HUNK: variants seen among roughly 807,000 people sequenced by gnomAD.
HUNK encodes the protein hormonally up-regulated neu tumor-associated kinase.
In HUNK, 21 loss-of-function variants were observed where a neutral mutation model predicts 61.0. The observed-to-expected ratio is 0.34, with a 90% CI of 0.24 to 0.50. The LOEUF (loss-of-function observed/expected upper bound fraction) is 0.50, where lower values mean the gene tolerates loss of function less well. Among genes scored for constraint, HUNK ranks in the 20% least tolerant of loss-of-function variants. The probability of loss-of-function intolerance (pLI) is 0.98; values close to 1 mark genes in which losing one functional copy is unlikely to be tolerated. For missense variants in HUNK, 772 were observed against 945.7 expected (o/e 0.82, Z 2.41); for synonymous variants, 371 against 386.1 (o/e 0.96, Z 0.46).
At chr21:31,994,511 G>A (rs906110596) in intron 9 of HUNK, among the ~76,000 whole-genome samples, 3 of 152,166 alleles carry the variant, frequency 2.0e-5, no homozygotes, top group Non-Finnish European at 4.4e-5. Context: ...TTAAAGTTGA[G>A]GGCAAAAATG....
intron 9 of HUNK, among the ~76,000 whole-genome samples, chr21:31,991,478 CA>C (rs2053171630): frequency 6.6e-6 from 1 of 152,214 alleles, no homozygotes; most frequent in African/African-American, 2.4e-5. Context: ...CTCGGCCTCC[CA>C]AAGTGCTGGG....
Position 31,974,533 on chromosome 21 carries a change from CCT to C in HUNK, c.1011-13_1011-12del. The C allele has an allele frequency of 4.4e-6, 7 of 1,603,344 alleles. No individual in the cohort carries two copies. The highest frequency in any genetic ancestry group is 1.1e-5 in the South Asian group (1 of 89,112). Reference sequence around the variant, plus strand: ...TCCGTGAAGTGCAGGGGTGACTGGTCCTCTCTCTCTGCACCTCGCAGGATTTC... The same window carrying C: ...TCCGTGAAGTGCAGGGGTGACTGGTCCTCTCTCTGCACCTCGCAGGATTTC... On this transcript the variant is annotated intron_variant, in intron 6 of 10. Coordinates refer to ENST00000270112, the MANE Select transcript of HUNK (RefSeq NM_014586.2).
chr21:31,955,102 A>C (rs2052879357), intron 4 of HUNK, among the ~76,000 whole-genome samples: 1 of 152,054 alleles, frequency 6.6e-6, no homozygotes, highest in African/African-American at 2.4e-5. Flanking sequence ...TGCATTTTCA[A>C]CAAGTTCTCA....
intron 7 of HUNK, among the ~76,000 whole-genome samples, chr21:31,982,174 T>C (rs1601409369): frequency 6.6e-6 from 1 of 152,204 alleles, no homozygotes; most frequent in African/African-American, 2.4e-5. Context: ...TCTATGGGGA[T>C]TAATTCACTC....
chr21:31,902,608 A>C (rs937193600), intron 1 of HUNK, among the ~76,000 whole-genome samples: 6 of 152,176 alleles, frequency 3.9e-5, no homozygotes, highest in African/African-American at 1.4e-4. Flanking sequence ...TTATTCAATG[A>C]AACTAGTCCC....
intron 4 of HUNK, among the ~76,000 whole-genome samples, chr21:31,954,270 G>A (rs2052872711): frequency 6.6e-6 from 1 of 152,174 alleles, no homozygotes; most frequent in South Asian, 2.1e-4. Context: ...AAGATTAAAG[G>A]GAATATAAAA....
intron 5 of HUNK, 148 bp downstream of exon 5, chr21:31,959,118 A>G (rs2052910256): frequency 8.6e-6 from 7 of 815,874 alleles, no homozygotes; most frequent in African/African-American, 1.7e-5. Flanking sequence ...TAGAAGTGTC[A>G]AGGGGTGGTT....
At chr21:31,916,043 CTTTT>C (rs34245381) in intron 1 of HUNK, among the ~76,000 whole-genome samples, 1 of 81,772 alleles carries the variant, frequency 1.2e-5, no homozygotes, top group Admixed American at 2.0e-4. Context: ...TAAGTGCTTT[CTTTT>C]TTTTTTTTTT....
chr21:31,967,398 C>T (rs531082616), intron 5 of HUNK, among the ~76,000 whole-genome samples: 4 of 152,100 alleles, frequency 2.6e-5, no homozygotes, highest in East Asian at 3.9e-4. Context: ...TAAAAGGCTT[C>T]GTGTGCATTA....
intron 10 of HUNK, among the ~76,000 whole-genome samples, chr21:31,997,245 T>A (rs1475270588): frequency 6.6e-6 from 1 of 152,232 alleles, no homozygotes; most frequent in Non-Finnish European, 1.5e-5. Flanking sequence ...TCCCCTTTCT[T>A]TTCTGGCCCA....
chr21:31,942,985 T>C (rs1404801012), intron 3 of HUNK, among the ~76,000 whole-genome samples: 2 of 152,202 alleles, frequency 1.3e-5, no homozygotes, highest in African/African-American at 4.8e-5. Context: ...TTGTGAGGTT[T>C]CTTGCCCCTG....
chr21:31,943,399 G>A (rs1013078983), intron 3 of HUNK, among the ~76,000 whole-genome samples: 2 of 152,134 alleles, frequency 1.3e-5, no homozygotes, highest in Non-Finnish European at 2.9e-5. Context: ...TTGAGTCGTC[G>A]TTGGTTGATA....
rs2053256362 is a variant in HUNK, at chr21:32,003,053, A to T, written c.*3869A>T. Reference sequence around the variant, plus strand: ...TTTAAGGACACCCCAGAGTCCCCAGATGAGCTGGCATTTGAGCTGGTCTGG... The same window carrying T: ...TTTAAGGACACCCCAGAGTCCCCAGTTGAGCTGGCATTTGAGCTGGTCTGG... On this transcript the variant is annotated 3_prime_UTR_variant, in exon 11 of 11. Transcript: ENST00000270112. 1 of 152,260 alleles carries T rather than the reference A, an allele frequency of 6.6e-6. No individual in the cohort carries two copies. The highest frequency in any genetic ancestry group is 2.4e-5 in the African/African-American group (1 of 41,456). The allele number at this position is 152,260 out of a possible 1,614,324, so 9.4% of individuals were successfully genotyped here.
intron 1 of HUNK, among the ~76,000 whole-genome samples, chr21:31,886,925 C>T (rs1253988383): frequency 2.0e-5 from 3 of 152,164 alleles, no homozygotes; most frequent in African/African-American, 4.8e-5. Context: ...CATGAGCCAC[C>T]GTGCCCGGCC....
intron 7 of HUNK, 66 bp from the exon 8 acceptor site, chr21:31,983,460 T>A: frequency 3.1e-6 from 4 of 1,280,174 alleles, no homozygotes; most frequent in Non-Finnish European, 3.4e-6. Context: ...TAAAAATTAA[T>A]GACTGCTTAA....
chr21:31,983,690 T>A, intron 8 of HUNK, 81 bp downstream of exon 8: 1 of 982,396 alleles, frequency 1.0e-6, no homozygotes, highest in Non-Finnish European at 1.6e-6. Context: ...AGAAACCAAT[T>A]ACTGTGGGAC....
At chr21:31,891,839 G>A (rs1601361962) in intron 1 of HUNK, among the ~76,000 whole-genome samples, 1 of 152,120 alleles carries the variant, frequency 6.6e-6, no homozygotes, top group Non-Finnish European at 1.5e-5. Context: ...GTAAACTAGA[G>A]GGCTTGTTGT....
Position 31,930,406 on chromosome 21 carries a change from T to TTC in HUNK, c.554+5649_554+5650dup, listed in dbSNP as rs2052688481. ...ATCCACGGGAAGCTGAGACCCACAGTTCTCCGTGCTGAGGGTCCCACAGCT... is the reference window on the plus strand; with the variant it reads ...ATCCACGGGAAGCTGAGACCCACAGTTCTCTCCGTGCTGAGGGTCCCACAGCT... On this transcript the variant is annotated intron_variant, in intron 2 of 10. Transcript: ENST00000270112. Among the ~76,000 whole-genome samples the TTC allele has an allele frequency of 1.3e-5, 2 of 152,190 alleles. 1 individual carries two copies. Among genetic ancestry groups the TTC allele is most frequent in the South Asian group, 4.1e-4 (2 of 4,832 alleles).
At chr21:31,954,909 G>C (rs2052877567) in intron 4 of HUNK, among the ~76,000 whole-genome samples, 1 of 152,044 alleles carries the variant, frequency 6.6e-6, no homozygotes, top group Non-Finnish European at 1.5e-5. Flanking sequence ...AGCCCCCCAA[G>C]TAGTTGGGAC....
Sources: gnomAD v4.1 joint callset for allele counts (sites outside exome capture counted in the v4.1 genomes callset) on GRCh38, gnomAD v4.1.1 for gene constraint, MANE v1.5 for transcripts, NCBI Gene and HGNC (gene_info 2026-07-23, HGNC 2026-07-21) for gene names.